Variants in SYT1 observed in about 807,000 individuals in gnomAD.
SYT1 encodes synaptotagmin 1.
Under a neutral mutation model 44.8 loss-of-function variants are expected in SYT1, and 8 were observed. That is an observed-to-expected ratio of 0.18 (90% CI 0.10 to 0.32). SYT1 has a LOEUF of 0.32. Ranked by LOEUF, SYT1 falls within the 10% of genes least tolerant of loss-of-function variation. SYT1 has a pLI of 1.00. For synonymous variants in SYT1, 154 were observed against 188.8 expected, an observed-to-expected ratio of 0.82 and a Z score of 1.51; for missense variants, 286 against 509.3, an observed-to-expected ratio of 0.56 and a Z score of 4.22.
At chr12:78,967,421 A>C (rs1365462485) in intron 1 of SYT1, among the ~76,000 whole-genome samples, 1 of 152,212 alleles carries the variant, frequency 6.6e-6, no homozygotes, top group Non-Finnish European at 1.5e-5. Flanking sequence ...CAATAACATG[A>C]TAACAGCCTG....
intron 4 of SYT1, among the ~76,000 whole-genome samples, chr12:79,269,254 G>A (rs1878289925): frequency 2.0e-5 from 3 of 151,844 alleles, no homozygotes; most frequent in Non-Finnish European, 2.9e-5. Flanking sequence ...TTTTTTTATT[G>A]TAAATAAAGT....
chr12:79,399,453 CA>C, intron 9 of SYT1, among the ~76,000 whole-genome samples: 1 of 152,140 alleles, frequency 6.6e-6, no homozygotes, highest in South Asian at 2.1e-4. Context: ...AAATATGTTT[CA>C]AATATATTTC....
chr12:79,072,241 T>C (rs980991004), intron 3 of SYT1, among the ~76,000 whole-genome samples: 9 of 152,138 alleles, frequency 5.9e-5, no homozygotes, highest in African/African-American at 2.2e-4. Flanking sequence ...TAAAACAGAA[T>C]AATCATGGAT....
At chr12:79,000,821 G>T (rs1220980884) in intron 2 of SYT1, among the ~76,000 whole-genome samples, 2 of 152,022 alleles carry the variant, frequency 1.3e-5, no homozygotes, top group African/African-American at 4.8e-5. Flanking sequence ...ATTGTGGCTA[G>T]ACCAAGTGGT....
chr12:79,285,953 G>A lies in SYT1; in HGVS notation c.333G>A (p.Gly111=), dbSNP rs1007232588. Residue 111 remains glycine (G), a synonymous_variant, in exon 5 of 11, where the codon GGG becomes GGA. Coordinates refer to ENST00000261205, the MANE Select transcript of SYT1 (RefSeq NM_005639.3). ...ACATGAAAGATGTAAAAGACTTAGG[G>A]AAGACGATGAAAGATCAGGTAATGT... ...AINMKDVKDL[G]KTMKDQALKD... is the part of the protein sequence containing the mutation. The A allele has an allele frequency of 5.0e-6, 8 of 1,606,878 alleles. No individual in the cohort carries two copies. In the African/African-American group the frequency reaches 8.1e-5, roughly 16 times the overall value.
At chr12:79,076,971 C>T (rs888373632) in intron 3 of SYT1, among the ~76,000 whole-genome samples, 2 of 152,168 alleles carry the variant, frequency 1.3e-5, no homozygotes, top group African/African-American at 4.8e-5. Flanking sequence ...AACCCCAACT[C>T]TTCTCTGGAT....
At chr12:78,992,367 G>GA (rs1322700264) in intron 2 of SYT1, among the ~76,000 whole-genome samples, 2 of 152,178 alleles carry the variant, frequency 1.3e-5, no homozygotes, top group Admixed American at 1.3e-4. Flanking sequence ...TCAGTAGCAT[G>GA]AGGCTATATT....
chr12:78,980,092 A>G (rs1198271945), intron 2 of SYT1, among the ~76,000 whole-genome samples: 1 of 152,068 alleles, frequency 6.6e-6, no homozygotes, highest in Non-Finnish European at 1.5e-5. Context: ...TCTAATCTTA[A>G]TAAGAATATT....
chr12:79,021,340 T>C lies in SYT1; in HGVS notation c.-83-25957T>C, dbSNP rs142924912. Among the ~76,000 whole-genome samples, 1,248 of 152,008 alleles carry C rather than the reference T, an allele frequency of 8.2e-3. 6 individuals carry two copies. The highest frequency in any genetic ancestry group is 0.014 in the South Asian group (69 of 4,826). On this transcript the variant is annotated intron_variant, in intron 2 of 10. Coordinates refer to ENST00000261205, the MANE Select transcript of SYT1 (RefSeq NM_005639.3). The stretch of plus-strand genomic sequence containing the variant: ...CTAGTAAAATAGGAACCATTTCTTT[T>C]AGTAAATTTTTCCTCTAATATTGGT...
intron 4 of SYT1, among the ~76,000 whole-genome samples, chr12:79,256,574 G>T (rs1877529620): frequency 6.6e-6 from 1 of 151,594 alleles, no homozygotes; most frequent in African/African-American, 2.4e-5. Flanking sequence ...TCCAGTGATA[G>T]AAACATGTAT....
chr12:79,295,548 G>T (rs1214283074), intron 6 of SYT1, among the ~76,000 whole-genome samples: 2 of 152,112 alleles, frequency 1.3e-5, no homozygotes, highest in African/African-American at 4.8e-5. Flanking sequence ...ACCAGTGAAG[G>T]TCAAATATAA....
At chr12:79,114,434 TCAGGTAGCTA>T (rs1879172950) in intron 3 of SYT1, among the ~76,000 whole-genome samples, 1 of 152,138 alleles carries the variant, frequency 6.6e-6, no homozygotes, top group Non-Finnish European at 1.5e-5. Flanking sequence ...GGCTCTTTAA[TCAGGTAGCTA>T]CAGGTATTGG....
chr12:79,237,136 AT>A (rs1876236280), intron 4 of SYT1, among the ~76,000 whole-genome samples: 1 of 152,202 alleles, frequency 6.6e-6, no homozygotes, highest in Non-Finnish European at 1.5e-5. Context: ...AAAAGCGCAG[AT>A]GTGACAGACT....
At chr12:78,928,774 C>T (rs1029262644) in intron 1 of SYT1, among the ~76,000 whole-genome samples, 5 of 152,096 alleles carry the variant, frequency 3.3e-5, no homozygotes, top group Non-Finnish European at 7.4e-5. Context: ...ATCAGCTACT[C>T]AGAATGATGT....
chr12:79,006,532 T>C (rs1242203161), intron 2 of SYT1, among the ~76,000 whole-genome samples: 1 of 151,188 alleles, frequency 6.6e-6, no homozygotes, highest in Non-Finnish European at 1.5e-5. Flanking sequence ...GCTTTTCTTA[T>C]CTTTTGGCAG....
chr12:79,170,460 C>CT (rs1259084523), intron 3 of SYT1, among the ~76,000 whole-genome samples: 1 of 151,956 alleles, frequency 6.6e-6, no homozygotes, highest in African/African-American at 2.4e-5. Flanking sequence ...TAATGTCGAA[C>CT]TTTTTTTATA....
At chr12:79,277,115 A>G (rs1878780562) in intron 4 of SYT1, among the ~76,000 whole-genome samples, 1 of 152,154 alleles carries the variant, frequency 6.6e-6, no homozygotes, top group Non-Finnish European at 1.5e-5. Flanking sequence ...AATATTAGAC[A>G]TCTAGACACA....
rs1303341908 is a variant in SYT1 at position 79,179,243 on chromosome 12, G to GAT, written c.-17-38256_-17-38255dup. ...ATATAGATATAGATATAGATATATA[G>GAT]ATATAGATATAGATATAGATATATA... is the stretch of plus-strand genomic sequence containing the variant. On this transcript the variant is annotated intron_variant, in intron 3 of 10. Coordinates refer to ENST00000261205, the MANE Select transcript of SYT1 (RefSeq NM_005639.3). 5.0e-5 allele frequency among the ~76,000 whole-genome samples: 3 copies of GAT among 60,594 alleles called. No homozygotes were observed. In the African/African-American group the frequency reaches 6.5e-4, roughly 13 times the overall value. The allele number at this position is 60,594 out of a possible 152,430, so 39.8% of individuals were successfully genotyped here. A position where few individuals can be genotyped will look rare whatever the true frequency, so the allele number is the denominator to read the frequency against.
chr12:79,131,402 G>T (rs980600707), intron 3 of SYT1, among the ~76,000 whole-genome samples: 12 of 151,592 alleles, frequency 7.9e-5, no homozygotes, highest in African/African-American at 2.9e-4. Context: ...TTGTTTGTTT[G>T]TTTGTTTGTT....
Sources: allele counts gnomAD v4.1 joint callset (sites outside exome capture counted in the v4.1 genomes callset), GRCh38; gene constraint gnomAD v4.1.1; transcripts MANE v1.5; gene names NCBI Gene and HGNC (gene_info 2026-07-23, HGNC 2026-07-21).